SPECC1L: variants seen among roughly 807,000 people sequenced by gnomAD.
The protein encoded by SPECC1L is sperm antigen with calponin homology and coiled-coil domains 1 like, also known as cytospin-A.
A neutral mutation model predicts 116.8 loss-of-function variants in SPECC1L; 40 were observed. The observed-to-expected ratio is 0.34, with a 90% CI of 0.27 to 0.45. The LOEUF (loss-of-function observed/expected upper bound fraction) is 0.45. SPECC1L is among the 20% of genes least tolerant of loss of function. SPECC1L has a pLI of 1.00. For missense variants in SPECC1L, 1,110 were observed against 1,373.6 expected, an observed-to-expected ratio of 0.81 and a Z score of 3.03; for synonymous variants, 504 against 500.6, an observed-to-expected ratio of 1.01 and a Z score of -0.09.
intron 2 of SPECC1L, among the ~76,000 whole-genome samples, chr22:24,296,232 TAGAC>T (rs1252092141): frequency 1.3e-5 from 2 of 152,206 alleles, no homozygotes; most frequent in Non-Finnish European, 2.9e-5. Context: ...TTCCTTCATC[TAGAC>T]ATACCCACCT....
intron 14 of SPECC1L, among the ~76,000 whole-genome samples, chr22:24,406,431 T>C (rs1249179480): frequency 6.6e-6 from 1 of 152,150 alleles, no homozygotes; most frequent in Non-Finnish European, 1.5e-5. Context: ...CTCACAGTCA[T>C]CCAGAGCAGT....
intron 16 of SPECC1L, among the ~76,000 whole-genome samples, chr22:24,413,563 A>T (rs1050677767): frequency 2.0e-5 from 3 of 152,210 alleles, no homozygotes; most frequent in Non-Finnish European, 2.9e-5. Flanking sequence ...ATGTTCACTC[A>T]TTAGAGTCTT....
chr22:24,412,837 C>A, intron 16 of SPECC1L, 130 bp downstream of exon 16: 1 of 952,406 alleles, frequency 1.0e-6, no homozygotes, highest in Admixed American at 1.9e-5. Flanking sequence ...CTATGGGGTG[C>A]TCTGGGGCCA....
chr22:24,291,877 T>A (rs891061997), intron 2 of SPECC1L, among the ~76,000 whole-genome samples: 5 of 150,446 alleles, frequency 3.3e-5, no homozygotes, highest in African/African-American at 1.3e-4. Context: ...TGTTTTCTTT[T>A]TGTTGTTGTT....
At chr22:24,400,419 A>G (rs1032160014) in intron 14 of SPECC1L, among the ~76,000 whole-genome samples, 1 of 152,238 alleles carries the variant, frequency 6.6e-6, no homozygotes. Flanking sequence ...TTCATGGCCA[A>G]AAAATAATCC....
chr22:24,271,075 C>T (rs1015942031), intron 1 of SPECC1L, 92 bp downstream of exon 1: 1 of 152,380 alleles, frequency 6.6e-6, no homozygotes, highest in African/African-American at 2.4e-5. Context: ...GGCGTCCCCG[C>T]AGACCCCGGC....
intron 4 of SPECC1L, among the ~76,000 whole-genome samples, chr22:24,320,183 G>C (rs992323146): frequency 1.3e-5 from 2 of 152,210 alleles, no homozygotes; most frequent in Non-Finnish European, 2.9e-5. Flanking sequence ...GGCCTAGGAA[G>C]GAGAATCGCT....
intron 10 of SPECC1L, among the ~76,000 whole-genome samples, chr22:24,341,758 C>A (rs1396980398): frequency 6.6e-6 from 1 of 152,206 alleles, no homozygotes; most frequent in Non-Finnish European, 1.5e-5. Context: ...TTACAAAAAG[C>A]TTTGCTTCTG....
At chr22:24,395,216 G>A (rs1308477511) in intron 14 of SPECC1L, among the ~76,000 whole-genome samples, 1 of 152,172 alleles carries the variant, frequency 6.6e-6, no homozygotes, top group Non-Finnish European at 1.5e-5. Flanking sequence ...AAAAATGTTT[G>A]CATAACCCAA....
intron 14 of SPECC1L, among the ~76,000 whole-genome samples, chr22:24,383,626 C>A (rs1308875089): frequency 6.6e-6 from 1 of 151,788 alleles, no homozygotes; most frequent in Admixed American, 6.6e-5. Context: ...AGAATCAAAT[C>A]AAAATTTTAT....
chr22:24,272,413 C>A (rs1200299641), intron 1 of SPECC1L, among the ~76,000 whole-genome samples: 1 of 151,940 alleles, frequency 6.6e-6, no homozygotes, highest in Non-Finnish European at 1.5e-5. Context: ...TGGCTCACGC[C>A]TGTAATCACA....
chr22:24,388,742 A>G (rs1335964191), intron 14 of SPECC1L, among the ~76,000 whole-genome samples: 1 of 152,192 alleles, frequency 6.6e-6, no homozygotes, highest in African/African-American at 2.4e-5. Context: ...CATAAGTTCC[A>G]GAGATTAAGA....
intron 14 of SPECC1L, 45 bp from the exon 15 acceptor site, chr22:24,411,543 G>C (rs1449874523): frequency 1.3e-6 from 2 of 1,557,262 alleles, no homozygotes; most frequent in South Asian, 2.2e-5. Context: ...CTCCTAAGAG[G>C]GTCCCAGCAT....
At chr22:24,366,932 G>A (rs755087641) in intron 13 of SPECC1L, among the ~76,000 whole-genome samples, 1 of 152,140 alleles carries the variant, frequency 6.6e-6, no homozygotes, top group Non-Finnish European at 1.5e-5. Context: ...GGTGGCTCAC[G>A]TCTGTAATCC....
chr22:24,369,562 G>A, intron 14 of SPECC1L, among the ~76,000 whole-genome samples: 1 of 152,168 alleles, frequency 6.6e-6, no homozygotes, highest in Non-Finnish European at 1.5e-5. Context: ...AAGCTGGCAT[G>A]GTGGTGTGTG....
intron 7 of SPECC1L, among the ~76,000 whole-genome samples, chr22:24,329,921 G>A (rs2040905437): frequency 1.3e-5 from 2 of 151,894 alleles, no homozygotes; most frequent in Non-Finnish European, 1.5e-5. Flanking sequence ...ATAAATTCTG[G>A]ATGATGTTTA....
intron 14 of SPECC1L, among the ~76,000 whole-genome samples, chr22:24,379,526 GAA>G (rs1466687695): frequency 3.3e-5 from 5 of 152,132 alleles, no homozygotes; most frequent in Admixed American, 2.0e-4. Flanking sequence ...TATATAGAGA[GAA>G]ATATATATAC....
chr22:24,413,077 A>G (rs1329827419), intron 16 of SPECC1L, among the ~76,000 whole-genome samples: 1 of 152,156 alleles, frequency 6.6e-6, no homozygotes, highest in Non-Finnish European at 1.5e-5. Flanking sequence ...CGCTGTCAAA[A>G]ACACCACACC....
At chr22:24,372,182 C>T (rs1334055395) in intron 14 of SPECC1L, among the ~76,000 whole-genome samples, 3 of 152,132 alleles carry the variant, frequency 2.0e-5, no homozygotes, top group Admixed American at 6.5e-5. Context: ...GATGGATTCA[C>T]GGCCGAATTC....
Sources: allele counts gnomAD v4.1 joint callset (sites outside exome capture counted in the v4.1 genomes callset), GRCh38; gene constraint gnomAD v4.1.1; transcripts MANE v1.5; gene names NCBI Gene and HGNC (gene_info 2026-07-23, HGNC 2026-07-21).